Variants in BCAS1 observed in about 807,000 individuals in gnomAD.
BCAS1 encodes the protein breast carcinoma-amplified sequence 1.
BCAS1 carries 46 observed loss-of-function variants against 65.4 expected under a neutral mutation model. The observed-to-expected ratio is 0.70, with a 90% CI of 0.55 to 0.90. The LOEUF is 0.90. Among genes scored for constraint, BCAS1 ranks in the 40% least tolerant of loss-of-function variants. The pLI is 0.00. For missense variants in BCAS1, 793 were observed against 771.2 expected (o/e 1.03, Z -0.33); for synonymous variants, 298 against 293.5 (o/e 1.02, Z -0.16).
intron 8 of BCAS1, among the ~76,000 whole-genome samples, chr20:53,980,888 T>C (rs6091799): frequency 0.048 from 7,311 of 152,300 alleles, 215 homozygotes; most frequent in Middle Eastern, 0.12. Flanking sequence ...TTCATTATTT[T>C]CTACTGCCAA....
At chr20:53,994,904 CACACACACACACAT>C in intron 6 of BCAS1, 94 bp downstream of exon 6, 1 of 849,416 alleles carries the variant, frequency 1.2e-6, no homozygotes. Flanking sequence ...CACACACACA[CACACACACACACAT>C]ATATGTATTC....
chr20:54,042,238 G>A (rs909152907), intron 3 of BCAS1, among the ~76,000 whole-genome samples: 1 of 152,046 alleles, frequency 6.6e-6, no homozygotes, highest in African/African-American at 2.4e-5. Flanking sequence ...GACAGGCACT[G>A]AGCCTACTTG....
chr20:53,945,142 C>T, intron 12 of BCAS1, 146 bp from the exon 13 acceptor site: 2 of 733,430 alleles, frequency 2.7e-6, no homozygotes, highest in Non-Finnish European at 4.8e-6. Context: ...AGAGAATGGT[C>T]TCCAGTCAGA....
At chr20:54,002,955 C>T (rs1444578716) in intron 4 of BCAS1, among the ~76,000 whole-genome samples, 5 of 152,108 alleles carry the variant, frequency 3.3e-5, no homozygotes, top group African/African-American at 7.2e-5. Context: ...ACAGGCACTG[C>T]GTGTGTCTCA....
intron 9 of BCAS1, among the ~76,000 whole-genome samples, 153 bp downstream of exon 9, chr20:53,975,236 G>A (rs920160499): frequency 6.6e-6 from 1 of 152,054 alleles, no homozygotes; most frequent in East Asian, 1.9e-4. Context: ...TCCTCCATGC[G>A]TCCCTAATCA....
At chr20:54,046,252 G>A (rs547678643) in intron 3 of BCAS1, among the ~76,000 whole-genome samples, 28 of 152,136 alleles carry the variant, frequency 1.8e-4, no homozygotes, top group Admixed American at 6.5e-5. Context: ...ATTCAGGGCC[G>A]GGTGCGGTGG....
intron 8 of BCAS1, among the ~76,000 whole-genome samples, chr20:53,984,148 A>T (rs1166266422): frequency 6.6e-6 from 1 of 152,204 alleles, no homozygotes; most frequent in Non-Finnish European, 1.5e-5. Flanking sequence ...ATATGAATAC[A>T]TGGTAATTAT....
At chr20:54,033,374 T>G (rs538821314) in intron 3 of BCAS1, among the ~76,000 whole-genome samples, 10 of 148,834 alleles carry the variant, frequency 6.7e-5, no homozygotes, top group African/African-American at 2.5e-4. Flanking sequence ...GTTTTTTTTT[T>G]GAACAAATTA....
Position 54,028,448 on chromosome 20 carries a change from T to C in BCAS1, c.667A>G (p.Lys223Glu). Reference protein sequence around the residue: ...QEAKRAEHQDKVDEVPGLSGQ... With the variant: ...QEAKRAEHQDEVDEVPGLSGQ... ...GATAAGCCAGGAACCTCATCCACCT[T>C]GTCTTGATGCTCTGCCCTCTTGGCT... The change falls in exon 4 of 13, where the codon AAG (lysine) becomes GAG (glutamate). Residue 223 changes from lysine to glutamate, a missense_variant. Coordinates refer to ENST00000688948, the MANE Select transcript of BCAS1 (RefSeq NM_001366298.2). 1 of 1,614,208 alleles carries C rather than the reference T, an allele frequency of 6.2e-7. No homozygotes were observed. Among genetic ancestry groups the C allele is most frequent in the East Asian group, 2.2e-5 (1 of 44,892 alleles).
In BCAS1 at chr20:53,995,489, G is replaced by GTTT. The variant is rs11480980; in HGVS notation, c.882+400_882+402dup. Among the ~76,000 whole-genome samples the GTTT allele has an allele frequency of 3.0e-4, 43 of 145,746 alleles. 1 individual carries two copies. In the East Asian group the frequency reaches 4.0e-3, roughly 13 times the overall value. On this transcript the variant is annotated intron_variant, in intron 5 of 12. Coordinates refer to ENST00000688948, the MANE Select transcript of BCAS1 (RefSeq NM_001366298.2). ...CTTCACTATGCATTCATTCATTCAG[G>GTTT]TTTTTTTTTTTTTGAATGATTTCTA...
intron 3 of BCAS1, among the ~76,000 whole-genome samples, chr20:54,039,434 A>G (rs1004450528): frequency 2.6e-5 from 4 of 151,432 alleles, no homozygotes; most frequent in African/African-American, 9.7e-5. Flanking sequence ...TTCCAAAGGA[A>G]TGTAGGCAAA....
Position 54,070,455 on chromosome 20 carries a change from T to A in BCAS1, c.-28A>T, listed in dbSNP as rs2092502380. Reference sequence around the variant, plus strand: ...TACCTGCTGAGCCCCTGTGGGAGTATCTTCAGTCCCCTCGTGTCACCCGGA... The same window carrying A: ...TACCTGCTGAGCCCCTGTGGGAGTAACTTCAGTCCCCTCGTGTCACCCGGA... On this transcript the variant is annotated 5_prime_UTR_variant, in exon 1 of 13. Transcript: ENST00000688948. The A allele has an allele frequency of 6.6e-6, 1 of 152,476 alleles. No homozygotes were observed. The highest frequency in any genetic ancestry group is 1.5e-5 in the Non-Finnish European group (1 of 68,298). 9.4% of individuals were successfully genotyped at this position (152,476 alleles called of 1,614,324 possible). A position where few individuals can be genotyped will look rare whatever the true frequency, so the allele number is the denominator to read the frequency against.
intron 9 of BCAS1, among the ~76,000 whole-genome samples, chr20:53,974,303 CTT>C (rs1014586871): frequency 2.0e-5 from 3 of 152,176 alleles, no homozygotes; most frequent in African/African-American, 4.8e-5. Flanking sequence ...GCTGCTCACT[CTT>C]TGGGTCTGTG....
chr20:53,951,850 C>A (rs1236365593), intron 12 of BCAS1, among the ~76,000 whole-genome samples: 1 of 152,214 alleles, frequency 6.6e-6, no homozygotes, highest in Non-Finnish European at 1.5e-5. Flanking sequence ...GACTGCACTA[C>A]ACCCAGAAAG....
chr20:53,970,355 C>T (rs1172204194), intron 9 of BCAS1, among the ~76,000 whole-genome samples: 1 of 152,142 alleles, frequency 6.6e-6, no homozygotes, highest in African/African-American at 2.4e-5. Context: ...TTTTAGTAGC[C>T]AAGGAAAATC....
At chr20:54,056,003 G>A (rs2092291808) in intron 3 of BCAS1, among the ~76,000 whole-genome samples, 1 of 152,190 alleles carries the variant, frequency 6.6e-6, no homozygotes, top group Non-Finnish European at 1.5e-5. Flanking sequence ...ATTCATAGAA[G>A]CAGAGAGTAA....
chr20:53,979,527 T>C (rs2090424104), intron 8 of BCAS1, among the ~76,000 whole-genome samples: 1 of 152,236 alleles, frequency 6.6e-6, no homozygotes, highest in South Asian at 2.1e-4. Flanking sequence ...GTTTTCTGCC[T>C]GCTGCCTTGC....
rs183670722 is a variant in BCAS1 at position 53,951,434 on chromosome 20, G to C, written c.1815+1998C>G. Among the ~76,000 whole-genome samples the C allele has an allele frequency of 4.6e-5, 7 of 152,298 alleles. No individual in the cohort carries two copies. The East Asian group carries it at 1.3e-3, about 29-fold the overall frequency. On this transcript the variant is annotated intron_variant, in intron 12 of 12. Transcript: ENST00000688948. The stretch of plus-strand genomic sequence containing the variant: ...TGCGGTGAGCCGAGATTGCACCATT[G>C]CACTCCAGCCTGGGCAACAAGAGCG...
intron 1 of BCAS1, among the ~76,000 whole-genome samples, chr20:54,062,542 G>A (rs290435): frequency 2.3e-3 from 355 of 152,206 alleles, no homozygotes; most frequent in African/African-American, 8.3e-3. Context: ...TTTAACAGTA[G>A]GATTACAAGC....
Sources: allele counts gnomAD v4.1 joint callset (sites outside exome capture counted in the v4.1 genomes callset), GRCh38; gene constraint gnomAD v4.1.1; transcripts MANE v1.5; gene names NCBI Gene and HGNC (gene_info 2026-07-23, HGNC 2026-07-21).